Variants in PCDHGA8 observed in about 807,000 individuals in gnomAD.
PCDHGA8 encodes the protein protocadherin gamma subfamily A, 8, also known as protocadherin gamma-A8.
In PCDHGA8, 45 loss-of-function variants were observed where a neutral mutation model predicts 59.2. The ratio of observed to expected loss-of-function variants is 0.76; its 90% confidence interval spans 0.60 to 0.98. PCDHGA8 has a LOEUF of 0.98. Ranked by LOEUF, PCDHGA8 falls within the 50% of genes least tolerant of loss-of-function variation. PCDHGA8 has a pLI of 0.00. For synonymous variants in PCDHGA8, 531 were observed against 519.0 expected (o/e 1.02, Z -0.32); for missense variants, 1,257 against 1,196.2 (o/e 1.05, Z -0.75).
intron 1 of PCDHGA8, chr5:141,426,414 G>A (rs2096934345): frequency 3.5e-6 from 1 of 287,986 alleles, no homozygotes; most frequent in Admixed American, 4.4e-5. Context: ...AAACGGTCCA[G>A]GGCTCCGTGG....
At chr5:141,413,444 C>T (rs2095641519) in intron 1 of PCDHGA8, 2 of 1,613,998 alleles carry the variant, frequency 1.2e-6, no homozygotes, top group Non-Finnish European at 1.7e-6. Context: ...AGCTTGATCA[C>T]CGCGGGCAGG....
At position 141,486,653 on chromosome 5, in the gene PCDHGA8, C is replaced by A; in HGVS notation, c.2425-8154C>A. 1 of 1,613,968 alleles carries A rather than the reference C, an allele frequency of 6.2e-7. No homozygotes were observed. Among genetic ancestry groups the A allele is most frequent in the Non-Finnish European group, 8.5e-7 (1 of 1,180,034 alleles). On this transcript the variant is annotated intron_variant, in intron 1 of 3. Coordinates refer to ENST00000398604, the MANE Select transcript of PCDHGA8 (RefSeq NM_032088.2). This position sits in a 1 kb window ranked among gnomAD's most constrained non-coding sequence, Gnocchi z 5.0. ...CTTGAATGCGCTTATCTCCTACTCA[C>A]TCCTGGAGCCCAGGAATCGAGATGT... is the stretch of plus-strand genomic sequence containing the variant.
chr5:141,410,036 A>G, intron 1 of PCDHGA8: 1 of 1,613,240 alleles, frequency 6.2e-7, no homozygotes, highest in Non-Finnish European at 8.5e-7. Flanking sequence ...GCTGCAGGCC[A>G]GTGAGCCCGG....
chr5:141,477,378 C>A lies in PCDHGA8; in HGVS notation c.2425-17429C>A. On this transcript the variant is annotated intron_variant, in intron 1 of 3. Coordinates refer to ENST00000398604, the MANE Select transcript of PCDHGA8 (RefSeq NM_032088.2). This position sits in a 1 kb window ranked among gnomAD's most constrained non-coding sequence, Gnocchi z 4.9. ...GCAGACCTGGATCGGGAGACTGTGC[C>A]AGAATACAACCTCAGCATCACCGCC... 2 of 1,614,136 alleles carry A rather than the reference C, an allele frequency of 1.2e-6. No homozygotes were observed. Among genetic ancestry groups the A allele is most frequent in the Non-Finnish European group, 1.7e-6 (2 of 1,180,034 alleles).
At chr5:141,430,581 C>A in intron 1 of PCDHGA8, 1 of 483,436 alleles carries the variant, frequency 2.1e-6, no homozygotes, top group Non-Finnish European at 3.4e-6. Context: ...GGAGATCCTG[C>A]TCGCCTTGCA....
Position 141,394,622 on chromosome 5 carries a change from G to A in PCDHGA8, c.1809G>A (p.Trp603Ter), listed in dbSNP as rs1472873845. 32 of 1,613,496 alleles carry A rather than the reference G, an allele frequency of 2.0e-5. No homozygotes were observed. The highest frequency in any genetic ancestry group is 2.6e-5 in the Non-Finnish European group (31 of 1,180,006). ...AVDRDSGQNA[W>*]LSYRLLKASE... The stretch of plus-strand genomic sequence containing the variant: ...ACAGAGACTCGGGCCAGAACGCCTG[G>A]CTGTCCTACCGCCTGCTCAAGGCCA... The change falls in exon 1 of 4, where the codon TGG becomes TGA. Residue 603 changes from tryptophan to a stop codon, truncating the protein, a stop_gained. Coordinates refer to ENST00000398604, the MANE Select transcript of PCDHGA8 (RefSeq NM_032088.2). LOFTEE classifies it high-confidence loss of function.
rs754329108 is a variant in PCDHGA8 at position 141,408,309 on chromosome 5, C to T, written c.2424+13072C>T. 1.8e-5 allele frequency: 29 copies of T among 1,613,698 alleles called. No individual in the cohort carries two copies. The highest frequency in any genetic ancestry group is 2.0e-5 in the Non-Finnish European group (24 of 1,179,730). On this transcript the variant is annotated intron_variant, in intron 1 of 3. Transcript: ENST00000398604. ...ACCCTGAGTGAGCCGATCCGCTACT[C>T]GATTCCGGAGGAGCTGGCCAAGGGC...
rs758782567 is a variant in PCDHGA8, at chr5:141,486,792, G to A, written c.2425-8015G>A. ...CAGTTTGAGGTGCAGGCCCGGGATCGGGGCAACCCACCCCTTAGCAGCACT... is the reference window on the plus strand; with the variant it reads ...CAGTTTGAGGTGCAGGCCCGGGATCAGGGCAACCCACCCCTTAGCAGCACT... On this transcript the variant is annotated intron_variant, in intron 1 of 3. Coordinates refer to ENST00000398604, the MANE Select transcript of PCDHGA8 (RefSeq NM_032088.2). This position sits in a 1 kb window ranked among gnomAD's most constrained non-coding sequence, Gnocchi z 5.0. The A allele has an allele frequency of 3.7e-5, 59 of 1,614,094 alleles. No homozygotes were observed. The Middle Eastern group carries it at 4.9e-4, about 13-fold the overall frequency.
chr5:141,417,995 G>A (rs779307855), intron 1 of PCDHGA8: 74 of 1,613,786 alleles, frequency 4.6e-5, no homozygotes, highest in Admixed American at 1.7e-4. Flanking sequence ...CAAGGGCTCG[G>A]TGGTGGGGAA....
chr5:141,408,661 G>A (rs1462103250), intron 1 of PCDHGA8: 1 of 1,613,770 alleles, frequency 6.2e-7, no homozygotes, highest in Non-Finnish European at 8.5e-7. Context: ...CACGACTATC[G>A]CTTGACCCTG....
At chr5:141,418,632 G>A in intron 1 of PCDHGA8, 1 of 1,614,028 alleles carries the variant, frequency 6.2e-7, no homozygotes, top group Non-Finnish European at 8.5e-7. Flanking sequence ...GTGCCTCCAG[G>A]CACCTCCATC....
chr5:141,393,735 G>T lies in PCDHGA8; in HGVS notation c.922G>T (p.Asp308Tyr). ...GGAAATATCAATAGCAAAAAGTCTA[G>T]ATTATGAAGAATGTTCATTTTATGA... ...TGEISIAKSL[D>Y]YEECSFYEME... The change falls in exon 1 of 4, where the codon GAT becomes TAT. Residue 308 changes from aspartate to tyrosine, a missense_variant. Asp to Tyr is a radical substitution (Grantham distance 160). Coordinates refer to ENST00000398604, the MANE Select transcript of PCDHGA8 (RefSeq NM_032088.2). 1 of 1,613,858 alleles carries T rather than the reference G, an allele frequency of 6.2e-7. No homozygotes were observed. Among genetic ancestry groups the T allele is most frequent in the Non-Finnish European group, 8.5e-7 (1 of 1,179,878 alleles).
intron 2 of PCDHGA8, among the ~76,000 whole-genome samples, chr5:141,498,543 C>T (rs2099784198): frequency 6.6e-6 from 1 of 151,870 alleles, no homozygotes; most frequent in South Asian, 2.1e-4. Flanking sequence ...CTGGTCTGGT[C>T]AGACACACCA....
chr5:141,404,415 T>C, intron 1 of PCDHGA8: 1 of 1,613,844 alleles, frequency 6.2e-7, no homozygotes, highest in Non-Finnish European at 8.5e-7. Context: ...TCTAGAGTTA[T>C]TTACTCCTTG....
intron 1 of PCDHGA8, chr5:141,484,876 A>T (rs1461505847): frequency 6.3e-6 from 2 of 315,126 alleles, no homozygotes; most frequent in Admixed American, 9.4e-5. Flanking sequence ...CGTGGAGGAT[A>T]GGGTGGGCTT....
chr5:141,510,526 A>T (rs1164238062), intron 3 of PCDHGA8, among the ~76,000 whole-genome samples: 1 of 152,156 alleles, frequency 6.6e-6, no homozygotes, highest in East Asian at 1.9e-4. Flanking sequence ...CAGCCCTGAG[A>T]GAAATACCAG....
intron 1 of PCDHGA8, among the ~76,000 whole-genome samples, chr5:141,483,522 C>G (rs557644901): frequency 9.3e-6 from 1 of 107,172 alleles, no homozygotes; most frequent in African/African-American, 3.9e-5. Flanking sequence ...TAGATCCTGA[C>G]TAAGGAAGCT....
intron 3 of PCDHGA8, chr5:141,507,313 T>TAC (rs1554192306): frequency 6.7e-6 from 1 of 150,168 alleles, no homozygotes. Context: ...CATAATGTAC[T>TAC]AAAAAAAAAA....
intron 3 of PCDHGA8, chr5:141,507,274 C>T (rs1000866082): frequency 1.3e-5 from 2 of 151,532 alleles, no homozygotes; most frequent in Non-Finnish European, 2.9e-5. Context: ...ACTATTTCAG[C>T]ATAAGTCAGT....
Sources: allele counts gnomAD v4.1 joint callset (sites outside exome capture counted in the v4.1 genomes callset), GRCh38; gene constraint gnomAD v4.1.1; non-coding constraint Gnocchi (gnomAD v3.1); transcripts MANE v1.5; gene names NCBI Gene and HGNC (gene_info 2026-07-23, HGNC 2026-07-21).